PRKCQ: variants seen among roughly 807,000 people sequenced by gnomAD.
The protein encoded by PRKCQ is protein kinase C theta.
In PRKCQ, 41 loss-of-function variants were observed where a neutral mutation model predicts 91.2. The ratio of observed to expected loss-of-function variants is 0.45; its 90% CI spans 0.35 to 0.58. The LOEUF is 0.58. Ranked by LOEUF, PRKCQ falls within the 20% of genes least tolerant of loss-of-function variation. PRKCQ has a pLI of 0.00. For missense variants in PRKCQ, 673 were observed against 896.5 expected (o/e 0.75, Z 3.18); for synonymous variants, 307 against 316.9 (o/e 0.97, Z 0.33).
At chr10:6,476,313 C>CA (rs34526387) in intron 12 of PRKCQ, among the ~76,000 whole-genome samples, 39,701 of 115,970 alleles carry the variant, frequency 0.34, 6,576 homozygotes, top group Non-Finnish European at 0.42. Flanking sequence ...ACATGCAAAT[C>CA]AAAAAAAAAA....
At chr10:6,478,622 T>C (rs7083579) in intron 12 of PRKCQ, among the ~76,000 whole-genome samples, 17,117 of 152,286 alleles carry the variant, frequency 0.11, 1,272 homozygotes, top group Middle Eastern at 0.24. Context: ...TACGTGCGTT[T>C]TGATCTATTT....
Position 6,491,666 on chromosome 10 carries a change from T to C in PRKCQ, c.790+17A>G, listed in dbSNP as rs1160039808. On this transcript the variant is annotated intron_variant, in intron 8 of 17. Coordinates refer to ENST00000263125, the MANE Select transcript of PRKCQ (RefSeq NM_006257.5). The stretch of plus-strand genomic sequence containing the variant: ...GGGGGTCCACGTCGGGCCATGCTCA[T>C]CCCCCACTGGACTCACCATCACACT... 4 of 1,613,620 alleles carry C rather than the reference T, an allele frequency of 2.5e-6. No individual in the cohort carries two copies. In the East Asian group the frequency reaches 6.7e-5, roughly 27 times the overall value.
intron 4 of PRKCQ, among the ~76,000 whole-genome samples, chr10:6,502,381 C>T (rs1274083055): frequency 6.6e-6 from 1 of 152,212 alleles, no homozygotes; most frequent in Non-Finnish European, 1.5e-5. Context: ...AAGGTGCTCT[C>T]TCTGGGTGGA....
downstream of PRKCQ, among the ~76,000 whole-genome samples, chr10:6,424,138 C>A (rs1173953504): frequency 6.6e-6 from 1 of 152,056 alleles, no homozygotes; most frequent in Non-Finnish European, 1.5e-5. Context: ...CAAACCAACA[C>A]CTTTATTATT....
the PRKCQ span, among the ~76,000 whole-genome samples, chr10:6,417,142 C>A: frequency 6.6e-6 from 1 of 152,204 alleles, no homozygotes; most frequent in African/African-American, 2.4e-5. Context: ...TCCATGGCAA[C>A]ATGAAATAGG....
At chr10:6,531,034 C>G (rs1839372146) in intron 1 of PRKCQ, among the ~76,000 whole-genome samples, 1 of 109,984 alleles carries the variant, frequency 9.1e-6, no homozygotes, top group African/African-American at 3.2e-5. Context: ...GTACTCTCAC[C>G]TGTCAGCAGG....
At chr10:6,477,846 C>G (rs935859564) in intron 12 of PRKCQ, among the ~76,000 whole-genome samples, 1 of 152,118 alleles carries the variant, frequency 6.6e-6, no homozygotes, top group African/African-American at 2.4e-5. Flanking sequence ...CCAGCCTGGG[C>G]GACAGAGTGA....
At chr10:6,483,631 A>G (rs994519924) in intron 10 of PRKCQ, 31 bp from the exon 11 acceptor site, 1 of 1,612,150 alleles carries the variant, frequency 6.2e-7, no homozygotes, top group Non-Finnish European at 8.5e-7. Context: ...TTAAAAATGA[A>G]CATGGAGTAA....
intron 7 of PRKCQ, among the ~76,000 whole-genome samples, chr10:6,494,534 C>G (rs1162296879): frequency 6.6e-6 from 1 of 152,192 alleles, no homozygotes; most frequent in Non-Finnish European, 1.5e-5. Flanking sequence ...TGATTTAAGC[C>G]TGTGAAGATC....
chr10:6,516,469 C>A (rs1018732045), intron 1 of PRKCQ, among the ~76,000 whole-genome samples: 2 of 152,148 alleles, frequency 1.3e-5, no homozygotes, highest in African/African-American at 4.8e-5. Context: ...CTTTAGGAGG[C>A]GCCCTTTGCC....
At chr10:6,440,884 A>T (rs1833935855) in intron 16 of PRKCQ, among the ~76,000 whole-genome samples, 1 of 152,182 alleles carries the variant, frequency 6.6e-6, no homozygotes, top group South Asian at 2.1e-4. Context: ...GCTACTCAGG[A>T]GGCTGAGGCA....
intron 1 of PRKCQ, among the ~76,000 whole-genome samples, chr10:6,521,945 ATTTAT>A (rs1839028421): frequency 1.3e-5 from 2 of 148,926 alleles, no homozygotes; most frequent in Non-Finnish European, 3.0e-5. Flanking sequence ...TTATTTATTT[ATTTAT>A]TTATTTTTTT....
At chr10:6,432,586 C>T (rs74112601) in intron 16 of PRKCQ, among the ~76,000 whole-genome samples, 3,718 of 152,192 alleles carry the variant, frequency 0.024, 158 homozygotes, top group African/African-American at 0.085. Context: ...GGAAATAACA[C>T]GACAGCTATC....
intron 1 of PRKCQ, among the ~76,000 whole-genome samples, chr10:6,524,033 C>T (rs2130886375): frequency 6.6e-6 from 1 of 152,288 alleles, no homozygotes. Context: ...GCTGAAGGTT[C>T]CCTGAATATC....
intron 1 of PRKCQ, among the ~76,000 whole-genome samples, chr10:6,519,036 T>C (rs1838894047): frequency 6.6e-6 from 1 of 152,218 alleles, no homozygotes; most frequent in African/African-American, 2.4e-5. Flanking sequence ...TGTTTATGTA[T>C]GTATATGTGT....
Position 6,511,080 on chromosome 10 carries a change from T to A in PRKCQ, c.233A>T (p.Asn78Ile). The change falls in exon 3 of 18, where the codon AAC becomes ATC. Residue 78 changes from asparagine to isoleucine, a missense_variant. By Grantham distance (149) the Asn-to-Ile change is moderately radical (BLOSUM62 -3). Transcript: ENST00000263125. ...RVMQIIVKGKNVDLISETTVE... is the reference protein window; with the variant it reads ...RVMQIIVKGKIVDLISETTVE... ...GGTGGTTTCAGAGATGAGGTCCACG[T>A]TTTTGCCTTTCACAATGATCTGCAT... 6.2e-7 allele frequency: 1 copy of A among 1,614,152 alleles called. No individual in the cohort carries two copies.
At chr10:6,449,183 GA>G (rs1425219874) in intron 15 of PRKCQ, among the ~76,000 whole-genome samples, 45 of 149,306 alleles carry the variant, frequency 3.0e-4, no homozygotes, top group African/African-American at 9.7e-4. Flanking sequence ...TGAAAACTTT[GA>G]AAAAAATTTA....
chr10:6,436,069 G>A lies in PRKCQ; in HGVS notation c.1837-5131C>T, dbSNP rs537849858. On this transcript the variant is annotated intron_variant, in intron 16 of 17. Transcript: ENST00000263125. ...GCATAGGCTGCAGTGAGCTGAGACT[G>A]CACCACTGCACTCCAGCCTGGGTGA... Among the ~76,000 whole-genome samples the A allele has an allele frequency of 3.6e-4, 55 of 152,268 alleles. No individual in the cohort carries two copies. The South Asian group carries it at 9.1e-3, about 25-fold the overall frequency.
At chr10:6,577,215 C>T (rs1409871020) in intron 1 of PRKCQ, among the ~76,000 whole-genome samples, 1 of 152,180 alleles carries the variant, frequency 6.6e-6, no homozygotes, top group African/African-American at 2.4e-5. Flanking sequence ...CTCTGATGCT[C>T]ATTTTGTCCC....
Sources: allele counts gnomAD v4.1 joint callset (sites outside exome capture counted in the v4.1 genomes callset), GRCh38; gene constraint gnomAD v4.1.1; transcripts MANE v1.5; gene names NCBI Gene and HGNC (gene_info 2026-07-23, HGNC 2026-07-21).